TRNAU1AP: variants seen among roughly 807,000 people sequenced by gnomAD.
TRNAU1AP encodes the protein tRNA selenocysteine 1-associated protein 1.
A neutral mutation model predicts 43.3 loss-of-function variants in TRNAU1AP; 33 were observed. The observed-to-expected ratio is 0.76, with a 90% CI of 0.58 to 1.02. The LOEUF (loss-of-function observed/expected upper bound fraction) is 1.02. Among genes scored for constraint, TRNAU1AP ranks in the 50% least tolerant of loss-of-function variants. TRNAU1AP has a pLI of 0.00. For synonymous variants in TRNAU1AP, 143 were observed against 129.1 expected, an observed-to-expected ratio of 1.11 and a Z score of -0.73; for missense variants, 290 against 362.7, an observed-to-expected ratio of 0.80 and a Z score of 1.63.
intron 2 of TRNAU1AP, among the ~76,000 whole-genome samples, chr1:28,556,602 C>G (rs546980467): frequency 1.5e-4 from 23 of 151,454 alleles, no homozygotes; most frequent in Non-Finnish European, 3.1e-4. Flanking sequence ...ACCTCCGCCT[C>G]CTGGGTTTAA....
intron 2 of TRNAU1AP, among the ~76,000 whole-genome samples, chr1:28,556,358 A>G (rs1406532280): frequency 1.3e-5 from 2 of 151,534 alleles, no homozygotes; most frequent in East Asian, 4.1e-4. Context: ...CAACTACTTG[A>G]GAGGCTGAGG....
At chr1:28,561,069 G>A in intron 3 of TRNAU1AP, 3 of 1,360,120 alleles carry the variant, frequency 2.2e-6, no homozygotes, top group Non-Finnish European at 2.8e-6. Context: ...GCTGGCAGCA[G>A]CAAGGACACA....
rs1281748459 is a variant in TRNAU1AP at position 28,577,772 on chromosome 1, A to T, written c.*136A>T. 4 of 946,594 alleles carry T rather than the reference A, an allele frequency of 4.2e-6. No homozygotes were observed. The East Asian group carries it at 1.0e-4, about 24-fold the overall frequency. 58.6% of individuals were successfully genotyped at this position (946,594 alleles called of 1,614,324 possible). On this transcript the variant is annotated 3_prime_UTR_variant, in exon 9 of 9. Transcript: ENST00000373830. ...GTTTTTGGAGATCATGAATGTTTCT[A>T]CAACACTGCTGCATTCATTTGACCA...
intron 8 of TRNAU1AP, among the ~76,000 whole-genome samples, chr1:28,572,889 C>T (rs979558073): frequency 6.6e-5 from 10 of 151,280 alleles, no homozygotes; most frequent in Non-Finnish European, 1.2e-4. Context: ...GAGCCGAGAT[C>T]GCACCAATGG....
chr1:28,577,683 G>A lies in TRNAU1AP; in HGVS notation c.*47G>A. ...GTTGCATGATGTGAGGGAGATGAGA[G>A]ACTCCTTTTTAAAAATTGTGAAACC... On this transcript the variant is annotated 3_prime_UTR_variant, in exon 9 of 9. Coordinates refer to ENST00000373830, the MANE Select transcript of TRNAU1AP (RefSeq NM_017846.5). 1 of 1,548,150 alleles carries A rather than the reference G, an allele frequency of 6.5e-7. No individual in the cohort carries two copies. Among genetic ancestry groups the A allele is most frequent in the Non-Finnish European group, 8.7e-7 (1 of 1,147,844 alleles).
chr1:28,565,992 T>C (rs537869044), intron 5 of TRNAU1AP, among the ~76,000 whole-genome samples: 1 of 152,102 alleles, frequency 6.6e-6, no homozygotes, highest in Non-Finnish European at 1.5e-5. Context: ...CATGGAATTA[T>C]TAGACAGTTT....
intron 2 of TRNAU1AP, among the ~76,000 whole-genome samples, chr1:28,557,763 A>C (rs1557431674): frequency 6.7e-6 from 1 of 150,000 alleles, no homozygotes; most frequent in Non-Finnish European, 1.5e-5. Context: ...TAATTTTTGT[A>C]TTCTTATTAC....
At chr1:28,553,498 A>G in intron 1 of TRNAU1AP, 142 bp from the exon 2 acceptor site, 1 of 754,072 alleles carries the variant, frequency 1.3e-6, no homozygotes, top group Non-Finnish European at 2.2e-6. Flanking sequence ...CTGGGGTTTC[A>G]GGCCGCTCAG....
At chr1:28,561,215 A>G (rs1434424731) in intron 3 of TRNAU1AP, 131 bp from the exon 4 acceptor site, 1 of 1,487,970 alleles carries the variant, frequency 6.7e-7, no homozygotes, top group Non-Finnish European at 8.9e-7. Flanking sequence ...CATTTTATAC[A>G]GGAGAAAAAG....
chr1:28,558,387 G>A (rs560870652), intron 2 of TRNAU1AP, among the ~76,000 whole-genome samples: 20 of 143,222 alleles, frequency 1.4e-4, no homozygotes, highest in Middle Eastern at 3.8e-3. Context: ...GCTAATTTTC[G>A]TATATTTTTT....
At chr1:28,553,588 A>G (rs1420756210) in intron 1 of TRNAU1AP, 52 bp from the exon 2 acceptor site, 1 of 1,557,312 alleles carries the variant, frequency 6.4e-7, no homozygotes, top group African/African-American at 1.4e-5. Flanking sequence ...TGGAACCCGG[A>G]GTGGGAAGCC....
chr1:28,553,492 G>A (rs1259013838), intron 1 of TRNAU1AP, 148 bp from the exon 2 acceptor site: 21 of 723,932 alleles, frequency 2.9e-5, no homozygotes, highest in Non-Finnish European at 4.9e-5. Flanking sequence ...AAAGAGCTGG[G>A]GTTTCAGGCC....
chr1:28,560,554 G>T, intron 2 of TRNAU1AP, 79 bp from the exon 3 acceptor site: 11 of 1,179,086 alleles, frequency 9.3e-6, no homozygotes, highest in Non-Finnish European at 1.4e-5. Flanking sequence ...GGGATTATAT[G>T]CGTGAGCCAT....
intron 3 of TRNAU1AP, chr1:28,561,057 A>G: frequency 7.4e-7 from 1 of 1,352,664 alleles, no homozygotes; most frequent in South Asian, 1.6e-5. Flanking sequence ...AAACTAGAAT[A>G]GGCTGGCAGC....
chr1:28,568,961 G>A (rs1665601014), intron 6 of TRNAU1AP, among the ~76,000 whole-genome samples: 1 of 152,006 alleles, frequency 6.6e-6, no homozygotes, highest in Admixed American at 6.6e-5. Context: ...ACAGGCATGT[G>A]CCACCAAGCC....
intron 2 of TRNAU1AP, among the ~76,000 whole-genome samples, chr1:28,555,687 A>T (rs1350353474): frequency 6.6e-6 from 1 of 151,984 alleles, no homozygotes; most frequent in Non-Finnish European, 1.5e-5. Context: ...GAGATGAGAC[A>T]TTTGAAAGAT....
intron 2 of TRNAU1AP, among the ~76,000 whole-genome samples, chr1:28,558,560 A>ATT (rs756554853): frequency 4.0e-4 from 35 of 88,328 alleles, no homozygotes; most frequent in East Asian, 7.8e-4. Flanking sequence ...CGCCCGACTA[A>ATT]TTTTTTTTTT....
chr1:28,557,987 C>T (rs1665312520), intron 2 of TRNAU1AP, among the ~76,000 whole-genome samples: 1 of 151,062 alleles, frequency 6.6e-6, no homozygotes, highest in Non-Finnish European at 1.5e-5. Context: ...CCTCCACCTC[C>T]CAAATTCAAG....
chr1:28,571,782 C>CAAAAAAAAAAAA, intron 7 of TRNAU1AP, 85 bp from the exon 8 acceptor site: 6 of 920,106 alleles, frequency 6.5e-6, no homozygotes, highest in Middle Eastern at 3.1e-4. Flanking sequence ...GACTCCACCT[C>CAAAAAAAAAAAA]AAAAAAAATA....
Sources: allele counts gnomAD v4.1 joint callset (sites outside exome capture counted in the v4.1 genomes callset), GRCh38; gene constraint gnomAD v4.1.1; transcripts MANE v1.5; gene names NCBI Gene and HGNC (gene_info 2026-07-23, HGNC 2026-07-21).